Variants in RBFOX1 observed in about 807,000 individuals in gnomAD.
RBFOX1 encodes RNA binding fox-1 homolog 1, also known as RNA binding protein fox-1 homolog 1.
Under a neutral mutation model 57.7 loss-of-function variants are expected in RBFOX1, and 8 were observed. The ratio of observed to expected loss-of-function variants is 0.14; its 90% CI spans 0.08 to 0.25. The LOEUF (loss-of-function observed/expected upper bound fraction) is 0.25. Ranked by LOEUF, RBFOX1 falls within the 10% of genes least tolerant of loss-of-function variation. The pLI is 1.00. For synonymous variants in RBFOX1, 326 were observed against 222.4 expected, an observed-to-expected ratio of 1.47 and a Z score of -4.15; for missense variants, 611 against 548.5, an observed-to-expected ratio of 1.11 and a Z score of -1.14.
chr16:5,980,119 A>T (rs535652430), intron 4 of RBFOX1, among the ~76,000 whole-genome samples: 8 of 152,228 alleles, frequency 5.3e-5, no homozygotes, highest in Admixed American at 5.2e-4. Flanking sequence ...TTTCTCTGGA[A>T]GGCAGGAAAC....
At chr16:6,171,730 C>T (rs867426617) in intron 1 of RBFOX1, among the ~76,000 whole-genome samples, 3 of 152,130 alleles carry the variant, frequency 2.0e-5, no homozygotes, top group Non-Finnish European at 4.4e-5. Context: ...AGCAGAAAAG[C>T]GGCATACATC....
intron 2 of RBFOX1, among the ~76,000 whole-genome samples, chr16:6,337,650 C>G (rs112009481): frequency 1.3e-5 from 2 of 152,268 alleles, no homozygotes; most frequent in African/African-American, 4.8e-5. Context: ...TACTTATTGT[C>G]TCTGTTTTCT....
intron 3 of RBFOX1, among the ~76,000 whole-genome samples, chr16:5,732,173 C>T (rs541324315): frequency 6.6e-6 from 1 of 152,266 alleles, no homozygotes; most frequent in East Asian, 1.9e-4. Flanking sequence ...AGGAAATTGG[C>T]ACCTGCTGCA....
At chr16:6,913,321 G>A (rs2072197742) in intron 3 of RBFOX1, among the ~76,000 whole-genome samples, 1 of 152,064 alleles carries the variant, frequency 6.6e-6, no homozygotes, top group Non-Finnish European at 1.5e-5. Context: ...AGATTCAACT[G>A]GGGATAAGGA....
intron 2 of RBFOX1, among the ~76,000 whole-genome samples, chr16:6,564,612 G>A (rs539486306): frequency 6.6e-6 from 1 of 152,136 alleles, no homozygotes; most frequent in Admixed American, 6.6e-5. Context: ...CTTGGAAGCA[G>A]AGAGTAGAAA....
intron 2 of RBFOX1, among the ~76,000 whole-genome samples, chr16:5,472,680 GC>G (rs2069179442): frequency 6.6e-6 from 1 of 152,104 alleles, no homozygotes; most frequent in African/African-American, 2.4e-5. Context: ...AATTCACAGC[GC>G]CTTCCCTGTT....
chr16:5,530,262 A>G (rs1044128284), intron 2 of RBFOX1, among the ~76,000 whole-genome samples: 2 of 152,052 alleles, frequency 1.3e-5, no homozygotes, highest in Non-Finnish European at 2.9e-5. Context: ...CTGCAACACC[A>G]CTATCTCCTA....
chr16:6,455,346 A>T (rs1305343302), intron 2 of RBFOX1, among the ~76,000 whole-genome samples: 1 of 152,190 alleles, frequency 6.6e-6, no homozygotes, highest in Non-Finnish European at 1.5e-5. Flanking sequence ...AAAATGAAAC[A>T]GGATCCCTTG....
At chr16:7,694,136 T>C (rs2078056143) in intron 14 of RBFOX1, among the ~76,000 whole-genome samples, 1 of 152,196 alleles carries the variant, frequency 6.6e-6, no homozygotes, top group Non-Finnish European at 1.5e-5. Flanking sequence ...CTTTTTCCTT[T>C]TGTCGTTTTT....
chr16:5,732,521 T>A (rs1377177318), intron 3 of RBFOX1, among the ~76,000 whole-genome samples: 1 of 152,090 alleles, frequency 6.6e-6, no homozygotes, highest in Admixed American at 6.5e-5. Context: ...CTGCAAGACA[T>A]AGGGGAGAGG....
At chr16:7,491,131 T>A (rs951837710) in intron 4 of RBFOX1, among the ~76,000 whole-genome samples, 32 of 152,088 alleles carry the variant, frequency 2.1e-4, no homozygotes, top group African/African-American at 7.5e-4. Flanking sequence ...GCCCTCTAAT[T>A]ATACTAAGAT....
chr16:6,168,745 T>C (rs2096936250), intron 1 of RBFOX1, among the ~76,000 whole-genome samples: 1 of 152,118 alleles, frequency 6.6e-6, no homozygotes, highest in Non-Finnish European at 1.5e-5. Flanking sequence ...TGGAAGGAGT[T>C]GTGTTTAACT....
chr16:7,055,693 G>A (rs964911637), intron 4 of RBFOX1, among the ~76,000 whole-genome samples: 3 of 152,170 alleles, frequency 2.0e-5, no homozygotes, highest in African/African-American at 4.8e-5. Flanking sequence ...GGCTACAGCA[G>A]TTATGATTCA....
chr16:5,884,926 C>G (rs531829230), intron 4 of RBFOX1, among the ~76,000 whole-genome samples: 6 of 152,280 alleles, frequency 3.9e-5, no homozygotes, highest in Non-Finnish European at 4.4e-5. Context: ...TCTTTAGACT[C>G]TCCTGGAAAG....
intron 1 of RBFOX1, among the ~76,000 whole-genome samples, chr16:5,253,257 C>T (rs149866679): frequency 3.0e-4 from 46 of 152,088 alleles, no homozygotes; most frequent in Non-Finnish European, 4.9e-4. Flanking sequence ...TCAAGCGATT[C>T]TCCTGTCTCA....
At chr16:5,750,911 G>T (rs947819548) in intron 3 of RBFOX1, among the ~76,000 whole-genome samples, 2 of 152,310 alleles carry the variant, frequency 1.3e-5, no homozygotes, top group Admixed American at 6.5e-5. Context: ...AGATGAACCC[G>T]GTACTGGGAA....
intron 1 of RBFOX1, among the ~76,000 whole-genome samples, chr16:5,402,717 G>C (rs959066068): frequency 6.6e-6 from 1 of 152,084 alleles, no homozygotes; most frequent in Non-Finnish European, 1.5e-5. Flanking sequence ...ACCTGATGTG[G>C]TTTTAAAGAG....
chr16:7,065,905 T>A (rs894914385), intron 4 of RBFOX1, among the ~76,000 whole-genome samples: 1 of 152,200 alleles, frequency 6.6e-6, no homozygotes, highest in Non-Finnish European at 1.5e-5. Flanking sequence ...GGGGTACATG[T>A]CTTTCTGTGT....
chr16:7,505,016 T>G (rs891926148), intron 4 of RBFOX1, among the ~76,000 whole-genome samples: 24 of 150,784 alleles, frequency 1.6e-4, no homozygotes, highest in Non-Finnish European at 2.8e-4. Flanking sequence ...GGAAACTTTT[T>G]TCAGTAATGC....
Sources: gnomAD v4.1 joint callset for allele counts (sites outside exome capture counted in the v4.1 genomes callset) on GRCh38, gnomAD v4.1.1 for gene constraint, MANE v1.5 for transcripts, NCBI Gene and HGNC (gene_info 2026-07-23, HGNC 2026-07-21) for gene names.